Variants in CDK14 observed in about 807,000 individuals in gnomAD.
CDK14 encodes cyclin dependent kinase 14.
CDK14 carries 34 observed loss-of-function variants against 60.7 expected under a neutral mutation model. The ratio of observed to expected loss-of-function variants is 0.56; its 90% CI spans 0.43 to 0.75. The LOEUF is 0.75. CDK14 is among the 30% of genes least tolerant of loss of function. The probability of loss-of-function intolerance (pLI) is 0.00; values close to 1 mark genes in which losing one functional copy is unlikely to be tolerated. For synonymous variants in CDK14, 197 were observed against 203.7 expected (o/e 0.97, Z 0.28); for missense variants, 482 against 564.1 (o/e 0.85, Z 1.47).
intron 8 of CDK14, among the ~76,000 whole-genome samples, chr7:90,949,318 C>T (rs980563337): frequency 6.6e-6 from 1 of 151,844 alleles, no homozygotes; most frequent in South Asian, 2.1e-4. Context: ...TCTCTGTCTC[C>T]GCTTCCTGAG....
chr7:90,750,723 AT>A (rs1562752562), intron 4 of CDK14, among the ~76,000 whole-genome samples: 1 of 152,076 alleles, frequency 6.6e-6, no homozygotes, highest in African/African-American at 2.4e-5. Flanking sequence ...AAACAGAAAA[AT>A]TAGCTAGGTG....
At chr7:91,150,236 A>G (rs1160778148) in intron 14 of CDK14, among the ~76,000 whole-genome samples, 1 of 152,066 alleles carries the variant, frequency 6.6e-6, no homozygotes, top group South Asian at 2.1e-4. Context: ...AGGATATAAT[A>G]CCTCTTGCCT....
chr7:90,646,832 G>A (rs1404920454), intron 2 of CDK14, among the ~76,000 whole-genome samples: 1 of 152,074 alleles, frequency 6.6e-6, no homozygotes, highest in East Asian at 1.9e-4. Context: ...GTTGTTTATT[G>A]GGTTTTATTC....
At chr7:90,924,649 A>C (rs1225687703) in intron 8 of CDK14, among the ~76,000 whole-genome samples, 3 of 152,232 alleles carry the variant, frequency 2.0e-5, no homozygotes, top group Admixed American at 6.5e-5. Flanking sequence ...GAAGCGAGAA[A>C]AACTGACCAG....
At chr7:91,076,898 A>G (rs534978112) in intron 11 of CDK14, among the ~76,000 whole-genome samples, 9 of 152,362 alleles carry the variant, frequency 5.9e-5, no homozygotes, top group African/African-American at 1.9e-4. Flanking sequence ...TATGAAAAAA[A>G]GTTCAACATC....
chr7:90,772,723 T>A (rs1389928948), intron 4 of CDK14, among the ~76,000 whole-genome samples: 1 of 152,168 alleles, frequency 6.6e-6, no homozygotes, highest in Non-Finnish European at 1.5e-5. Context: ...CAATTAAACC[T>A]CTTTTCTTAT....
chr7:90,801,268 A>G (rs1381013295), intron 5 of CDK14, among the ~76,000 whole-genome samples: 1 of 152,182 alleles, frequency 6.6e-6, no homozygotes, highest in Non-Finnish European at 1.5e-5. Context: ...TTGTTTTCTT[A>G]TTACTGAAGT....
chr7:90,814,359 G>A (rs1201468068), intron 5 of CDK14, among the ~76,000 whole-genome samples: 2 of 152,146 alleles, frequency 1.3e-5, no homozygotes, highest in East Asian at 3.9e-4. Flanking sequence ...AAAAACATGA[G>A]CCACATTTTA....
rs1355907742 is a variant in CDK14 at position 91,155,569 on chromosome 7, G to A, written c.*28+37361G>A. On this transcript the variant is annotated intron_variant, in intron 14 of 14. Transcript: ENST00000380050. ...AGCAGTTAGTTCTCCAACTCACAGT[G>A]TAACAGATCTTTGTTTCTTATTCAC... 5.9e-5 allele frequency among the ~76,000 whole-genome samples: 9 copies of A among 152,294 alleles called. No individual in the cohort carries two copies. In the East Asian group the frequency reaches 1.7e-3, roughly 29 times the overall value.
rs1584778632 is a variant in CDK14, at chr7:90,664,491, T to A, written c.123+60242T>A. Among the ~76,000 whole-genome samples the A allele has an allele frequency of 2.0e-5, 3 of 152,312 alleles. No individual in the cohort carries two copies. The South Asian group carries it at 6.2e-4, about 32-fold the overall frequency. Reference sequence around the variant, plus strand: ...GCTGCCATAAAGACACATGGGCACGTATGTTTATAGCGGCACTATTCACAA... The same window carrying A: ...GCTGCCATAAAGACACATGGGCACGAATGTTTATAGCGGCACTATTCACAA... On this transcript the variant is annotated intron_variant, in intron 2 of 14. Transcript: ENST00000380050.
At chr7:91,072,146 C>A (rs1798166212) in intron 11 of CDK14, among the ~76,000 whole-genome samples, 1 of 152,220 alleles carries the variant, frequency 6.6e-6, no homozygotes, top group Non-Finnish European at 1.5e-5. Flanking sequence ...GCTCGGCACA[C>A]CCCCTCCACC....
At chr7:90,798,117 CA>C (rs747562402) in intron 5 of CDK14, among the ~76,000 whole-genome samples, 7 of 151,134 alleles carry the variant, frequency 4.6e-5, no homozygotes, top group Admixed American at 1.3e-4. Flanking sequence ...GCCTTGATCA[CA>C]AAATGGCATT....
chr7:90,696,465 C>T (rs750149234), intron 2 of CDK14, among the ~76,000 whole-genome samples: 4 of 151,546 alleles, frequency 2.6e-5, no homozygotes, highest in East Asian at 2.0e-4. Context: ...CTCAGCCTCC[C>T]GAGTAGCTGG....
intron 12 of CDK14, among the ~76,000 whole-genome samples, chr7:91,083,053 A>G (rs1486503495): frequency 6.6e-6 from 1 of 152,174 alleles, no homozygotes; most frequent in Non-Finnish European, 1.5e-5. Context: ...TTATTTCACT[A>G]GGAGGAGCAG....
intron 2 of CDK14, among the ~76,000 whole-genome samples, chr7:90,616,784 G>A (rs951711707): frequency 3.9e-5 from 6 of 152,118 alleles, no homozygotes; most frequent in African/African-American, 1.4e-4. Context: ...ACCCATAAAA[G>A]TGACATTAAT....
At chr7:90,679,272 T>C (rs1461198827) in intron 2 of CDK14, among the ~76,000 whole-genome samples, 1 of 152,180 alleles carries the variant, frequency 6.6e-6, no homozygotes, top group Non-Finnish European at 1.5e-5. Flanking sequence ...TAAATCTAGC[T>C]CAGAGATAAT....
chr7:91,207,415 A>G lies in CDK14; in HGVS notation c.*279A>G, dbSNP rs780449734. ...CTGATACATGGCATGTATTCTTTTC[A>G]GTCTTTTGTGTTTGATTTTGTTTGA... On this transcript the variant is annotated 3_prime_UTR_variant, in exon 15 of 15. Coordinates refer to ENST00000380050, the MANE Select transcript of CDK14 (RefSeq NM_001287135.2). 6.6e-6 allele frequency: 1 copy of G among 152,552 alleles called. No homozygotes were observed. The highest frequency in any genetic ancestry group is 1.5e-5 in the Non-Finnish European group (1 of 68,042). 9.4% of individuals were successfully genotyped at this position (152,552 alleles called of 1,614,324 possible).
At chr7:90,707,228 G>GT (rs1307754380) in intron 2 of CDK14, among the ~76,000 whole-genome samples, 1 of 152,096 alleles carries the variant, frequency 6.6e-6, no homozygotes, top group African/African-American at 2.4e-5. Flanking sequence ...TATTCTTCCT[G>GT]TGTTCACTGG....
intron 2 of CDK14, among the ~76,000 whole-genome samples, chr7:90,705,544 G>T (rs1261437350): frequency 6.6e-6 from 1 of 151,660 alleles, no homozygotes; most frequent in Non-Finnish European, 1.5e-5. Flanking sequence ...TGCAGAGCCT[G>T]TGGAGTAAGG....
Sources: gnomAD v4.1 joint callset for allele counts (sites outside exome capture counted in the v4.1 genomes callset) on GRCh38, gnomAD v4.1.1 for gene constraint, MANE v1.5 for transcripts, NCBI Gene and HGNC (gene_info 2026-07-23, HGNC 2026-07-21) for gene names.